ABCC4: variants seen among roughly 807,000 people sequenced by gnomAD.
ABCC4 encodes ATP-binding cassette sub-family C member 4.
Under a neutral mutation model 168.5 loss-of-function variants are expected in ABCC4, and 102 were observed. The ratio of observed to expected loss-of-function variants is 0.61; its 90% CI spans 0.52 to 0.71. The LOEUF is 0.71. ABCC4 is among the 30% of genes least tolerant of loss of function. The pLI is 0.00. For synonymous variants in ABCC4, 617 were observed against 590.7 expected (o/e 1.04, Z -0.65); for missense variants, 1,402 against 1,605.8 (o/e 0.87, Z 2.17).
At position 95,209,554 on chromosome 13, in the gene ABCC4, G is replaced by T. The variant is rs369259439; in HGVS notation, c.665C>A (p.Ala222Glu). 2 of 1,614,050 alleles carry T rather than the reference G, an allele frequency of 1.2e-6. No homozygotes were observed. Among genetic ancestry groups the T allele is most frequent in the Non-Finnish European group, 1.7e-6 (2 of 1,179,948 alleles). Residue 222 changes from alanine (A) to glutamate (E), a missense_variant, in exon 6 of 31, where the codon GCG (alanine) becomes GAG (glutamate). Around this residue, in one of 3 missense-constraint regions of ABCC4, gnomAD observed 317 missense variants for 345.5 expected, o/e 0.92. Transcript: ENST00000645237. ...LHFLWAGPLQ[A>E]IAVTALLWME... ...CCAGAGTAGGGCAGTCACTGCAATC[G>T]CCTGCAGTGGTCCTGCCCACAGGAA...
intron 1 of ABCC4, among the ~76,000 whole-genome samples, chr13:95,287,782 C>T (rs1002620810): frequency 2.0e-5 from 3 of 151,396 alleles, no homozygotes; most frequent in Non-Finnish European, 2.9e-5. Flanking sequence ...GTGGCTCACA[C>T]CTGTAATCTC....
At position 95,127,388 on chromosome 13, in the gene ABCC4, C is replaced by T. The variant is rs141803565; in HGVS notation, c.2456-11387G>A. On this transcript the variant is annotated intron_variant, in intron 19 of 30. Transcript: ENST00000645237. ...GCAACCTCCGCCTCCTGGGTTCAAG[C>T]GATTCTCCTGCCTCAGCCTCTCAAG... is the stretch of plus-strand genomic sequence containing the variant. Among the ~76,000 whole-genome samples the T allele has an allele frequency of 6.2e-3, 943 of 152,230 alleles. 7 individuals carry two copies. Among genetic ancestry groups the T allele is most frequent in the Middle Eastern group, 0.034 (10 of 294 alleles).
At chr13:95,248,855 C>G (rs895035022) in intron 1 of ABCC4, among the ~76,000 whole-genome samples, 1 of 152,014 alleles carries the variant, frequency 6.6e-6, no homozygotes, top group African/African-American at 2.4e-5. Context: ...GAGACCAGCC[C>G]GGCAAAACCC....
intron 29 of ABCC4, among the ~76,000 whole-genome samples, chr13:95,039,646 T>C (rs997192207): frequency 6.6e-6 from 1 of 152,202 alleles, no homozygotes; most frequent in Non-Finnish European, 1.5e-5. Context: ...TGGAATGCAT[T>C]AGTCAGTTAC....
chr13:95,234,326 C>A (rs2039702857), intron 4 of ABCC4, among the ~76,000 whole-genome samples: 1 of 152,172 alleles, frequency 6.6e-6, no homozygotes, highest in African/African-American at 2.4e-5. Context: ...TCAAAGGCAG[C>A]CATGCCCTGA....
At chr13:95,038,175 A>G (rs962491676) in intron 29 of ABCC4, among the ~76,000 whole-genome samples, 1 of 150,542 alleles carries the variant, frequency 6.6e-6, no homozygotes, top group African/African-American at 2.4e-5. Context: ...AAACTTCATT[A>G]AAGTTTCAGG....
intron 30 of ABCC4, among the ~76,000 whole-genome samples, chr13:95,032,959 C>T (rs1033161960): frequency 6.9e-6 from 1 of 143,952 alleles, no homozygotes; most frequent in African/African-American, 2.6e-5. Flanking sequence ...AGCCATCACG[C>T]CTGGTCTTTT....
At chr13:95,091,676 C>T (rs76557410) in intron 20 of ABCC4, among the ~76,000 whole-genome samples, 6 of 151,984 alleles carry the variant, frequency 3.9e-5, no homozygotes, top group East Asian at 1.9e-4. Flanking sequence ...ATCCTGGAAA[C>T]GCATCAAAAC....
At chr13:95,174,312 G>A (rs778551103) in intron 13 of ABCC4, among the ~76,000 whole-genome samples, 14 of 152,178 alleles carry the variant, frequency 9.2e-5, no homozygotes, top group African/African-American at 3.1e-4. Context: ...AAATAGAAGC[G>A]TAATTCATTC....
At chr13:95,117,668 A>G (rs1158233475) in intron 19 of ABCC4, among the ~76,000 whole-genome samples, 2 of 152,208 alleles carry the variant, frequency 1.3e-5, no homozygotes. Flanking sequence ...AATTTAAGAC[A>G]TAATTATTAA....
In ABCC4 at chr13:95,170,645, C is replaced by A; in HGVS notation, c.1728-17G>T. On this transcript the variant is annotated splice_polypyrimidine_tract_variant and intron_variant, in intron 13 of 30. Coordinates refer to ENST00000645237, the MANE Select transcript of ABCC4 (RefSeq NM_005845.5). ...CAAATACACCTATAAATGTAAAAGG[C>A]ACAGGGTGAAAAAATGCATGAATGG... 6.5e-7 allele frequency: 1 copy of A among 1,539,872 alleles called. No homozygotes were observed.
chr13:95,263,173 G>A (rs1255661384), intron 1 of ABCC4, among the ~76,000 whole-genome samples: 3 of 152,144 alleles, frequency 2.0e-5, no homozygotes, highest in Non-Finnish European at 4.4e-5. Flanking sequence ...CTATAGTGCT[G>A]CTGGCTGTTA....
intron 19 of ABCC4, among the ~76,000 whole-genome samples, chr13:95,117,302 T>C (rs939562582): frequency 1.6e-4 from 24 of 150,596 alleles, no homozygotes; most frequent in African/African-American, 5.1e-4. Flanking sequence ...TACTTTTTCA[T>C]GGCTGCTAGA....
chr13:95,241,093 G>C (rs7989281), intron 3 of ABCC4, among the ~76,000 whole-genome samples: 1 of 151,806 alleles, frequency 6.6e-6, no homozygotes, highest in Non-Finnish European at 1.5e-5. Context: ...GGCCAGGCAC[G>C]ATGGCTCATG....
chr13:95,063,998 G>A (rs1201358363), intron 25 of ABCC4, among the ~76,000 whole-genome samples: 1 of 151,994 alleles, frequency 6.6e-6, no homozygotes, highest in East Asian at 1.9e-4. Flanking sequence ...AACTTTACTG[G>A]GCACTGGGTA....
intron 19 of ABCC4, among the ~76,000 whole-genome samples, chr13:95,142,510 A>T (rs2036351866): frequency 6.6e-6 from 1 of 152,174 alleles, no homozygotes; most frequent in African/African-American, 2.4e-5. Context: ...GGTGCACCAA[A>T]ATCTCACAAA....
intron 25 of ABCC4, among the ~76,000 whole-genome samples, chr13:95,063,183 T>A (rs548362304): frequency 8.3e-4 from 126 of 152,238 alleles, no homozygotes; most frequent in African/African-American, 2.9e-3. Context: ...CTGGTTGAGA[T>A]CCACTGTTCT....
At chr13:95,225,968 TAAAA>T (rs11414379) in intron 4 of ABCC4, among the ~76,000 whole-genome samples, 1 of 117,806 alleles carries the variant, frequency 8.5e-6, no homozygotes, top group Non-Finnish European at 1.7e-5. Context: ...CATCTCCACT[TAAAA>T]AAAAAAAAAA....
intron 1 of ABCC4, among the ~76,000 whole-genome samples, chr13:95,265,294 TGCACCACTCTTGCAAC>T (rs2040640023): frequency 6.6e-6 from 1 of 152,178 alleles, no homozygotes; most frequent in African/African-American, 2.4e-5. Context: ...GTGGTATGTA[TGCACCACTCTTGCAAC>T]TTTTCTGTCA....
Sources: allele counts gnomAD v4.1 joint callset (sites outside exome capture counted in the v4.1 genomes callset), GRCh38; gene constraint gnomAD v4.1.1; regional missense constraint gnomAD v4.1.1; transcripts MANE v1.5; gene names NCBI Gene and HGNC (gene_info 2026-07-23, HGNC 2026-07-21).